The following LYRM4 variants were observed in gnomAD, a reference collection of about 807,000 sequenced individuals.
LYRM4 encodes LYR motif containing 4.
A neutral mutation model predicts 11.7 loss-of-function variants in LYRM4; 9 were observed. The observed-to-expected ratio is 0.77, with a 90% CI of 0.46 to 1.34. The LOEUF (loss-of-function observed/expected upper bound fraction) is 1.34. Ranked by LOEUF, LYRM4 falls within the 40% of genes most tolerant of loss-of-function variation. The pLI is 0.00. For missense variants in LYRM4, 133 were observed against 112.5 expected (o/e 1.18, Z -0.82); for synonymous variants, 42 against 40.4 (o/e 1.04, Z -0.15).
chr6:5,244,646 G>T (rs1764059063), intron 1 of LYRM4, among the ~76,000 whole-genome samples: 1 of 152,144 alleles, frequency 6.6e-6, no homozygotes, highest in South Asian at 2.1e-4. Context: ...GACCTAGCTT[G>T]GGATAGAGGG....
At chr6:5,256,423 G>T (rs1232130665) in intron 1 of LYRM4, among the ~76,000 whole-genome samples, 1 of 142,100 alleles carries the variant, frequency 7.0e-6, no homozygotes, top group South Asian at 2.2e-4. Flanking sequence ...CTGGGAGGTG[G>T]AGGTTGCAGT....
At chr6:5,118,005 C>G (rs1763202765) in intron 2 of LYRM4, among the ~76,000 whole-genome samples, 1 of 151,402 alleles carries the variant, frequency 6.6e-6, no homozygotes, top group Non-Finnish European at 1.5e-5. Context: ...TTTTAAGACA[C>G]TGCACTTTCC....
At chr6:5,042,080 G>T in the LYRM4 span, among the ~76,000 whole-genome samples, 1 of 152,186 alleles carries the variant, frequency 6.6e-6, no homozygotes, top group Non-Finnish European at 1.5e-5. Context: ...CTACTCTGGA[G>T]GGAGGGGAGG....
intron 2 of LYRM4, among the ~76,000 whole-genome samples, chr6:5,119,025 A>G (rs536438004): frequency 1.4e-3 from 208 of 152,378 alleles, no homozygotes; most frequent in African/African-American, 4.8e-3. Context: ...GAAGTGTGGT[A>G]GCTGAGAAAG....
chr6:5,152,870 A>G (rs1256750053), intron 2 of LYRM4, among the ~76,000 whole-genome samples: 2 of 152,208 alleles, frequency 1.3e-5, no homozygotes, highest in Non-Finnish European at 1.5e-5. Flanking sequence ...GTGCTGACAA[A>G]CTTGCTGCCA....
chr6:5,199,476 A>G (rs1761260642), intron 2 of LYRM4, among the ~76,000 whole-genome samples: 1 of 152,190 alleles, frequency 6.6e-6, no homozygotes, highest in Non-Finnish European at 1.5e-5. Flanking sequence ...TGAATATACT[A>G]AAAACCACTG....
At chr6:5,048,151 T>C in the LYRM4 span, among the ~76,000 whole-genome samples, 1 of 152,348 alleles carries the variant, frequency 6.6e-6, no homozygotes, top group South Asian at 2.1e-4. Context: ...GTATTGAATA[T>C]AGATGATAGA....
intron 2 of LYRM4, among the ~76,000 whole-genome samples, chr6:5,169,787 C>T (rs746809118): frequency 2.6e-5 from 4 of 152,160 alleles, no homozygotes; most frequent in Admixed American, 6.5e-5. Context: ...CCACAGATCA[C>T]CTTGCATTCT....
At chr6:5,071,074 G>A in the LYRM4 span, among the ~76,000 whole-genome samples, 1 of 151,444 alleles carries the variant, frequency 6.6e-6, no homozygotes, top group South Asian at 2.1e-4. Flanking sequence ...TATAACCCCA[G>A]CTAACTCGGG....
intron 1 of LYRM4, among the ~76,000 whole-genome samples, chr6:5,245,320 G>A (rs978148454): frequency 1.3e-5 from 2 of 150,916 alleles, no homozygotes; most frequent in Admixed American, 6.6e-5. Flanking sequence ...TGGCCGCCCC[G>A]GTAGTTCACC....
intron 2 of LYRM4, among the ~76,000 whole-genome samples, chr6:5,157,027 C>T (rs1758453356): frequency 6.6e-6 from 1 of 152,144 alleles, no homozygotes; most frequent in Admixed American, 6.5e-5. Flanking sequence ...CAATGCTAAG[C>T]CCACTTTCCA....
chr6:5,114,149 C>G (rs971781058), intron 2 of LYRM4, among the ~76,000 whole-genome samples: 6 of 152,200 alleles, frequency 3.9e-5, no homozygotes, highest in Non-Finnish European at 7.3e-5. Context: ...TGCCCGCCCT[C>G]CAGTTTGTCT....
At chr6:5,094,004 G>T in the LYRM4 span, among the ~76,000 whole-genome samples, 2 of 152,204 alleles carry the variant, frequency 1.3e-5, no homozygotes, top group African/African-American at 4.8e-5. Context: ...TGGTTCTTGG[G>T]ACTTGGGCCA....
intron 2 of LYRM4, among the ~76,000 whole-genome samples, chr6:5,196,219 T>C (rs1453708987): frequency 1.3e-5 from 2 of 152,162 alleles, no homozygotes; most frequent in East Asian, 3.9e-4. Flanking sequence ...CTGGCGCAGA[T>C]ATCATGTCTA....
intron 2 of LYRM4, among the ~76,000 whole-genome samples, chr6:5,191,519 C>G (rs1216361157): frequency 6.6e-6 from 1 of 152,092 alleles, no homozygotes; most frequent in Non-Finnish European, 1.5e-5. Flanking sequence ...GTTTGTGAAA[C>G]TAGGAATGAG....
At chr6:5,183,342 A>G (rs1760190310) in intron 2 of LYRM4, among the ~76,000 whole-genome samples, 1 of 152,240 alleles carries the variant, frequency 6.6e-6, no homozygotes, top group Non-Finnish European at 1.5e-5. Context: ...ACTTAAATGT[A>G]GAATTCTGCA....
chr6:5,259,305 T>C lies in LYRM4; in HGVS notation c.86+1343A>G, dbSNP rs146048163. On this transcript the variant is annotated intron_variant, in intron 1 of 2. Transcript: ENST00000330636. ...CATGTGTTTCCTCAACAGACTTGGT[T>C]AAGTACTTGGTGCTAGGTGTTTGGT... Among the ~76,000 whole-genome samples the C allele has an allele frequency of 3.3e-5, 5 of 152,348 alleles. No homozygotes were observed. In the East Asian group the frequency reaches 9.6e-4, roughly 29 times the overall value.
intron 2 of LYRM4, among the ~76,000 whole-genome samples, chr6:5,142,118 T>A (rs200860): frequency 0.94 from 142,569 of 152,204 alleles, 66,898 homozygotes; most frequent in African/African-American, 0.99. Flanking sequence ...CTCTACTGAG[T>A]GAAGGGGTTT....
chr6:5,197,920 C>T (rs1009504825), intron 2 of LYRM4, among the ~76,000 whole-genome samples: 2 of 152,026 alleles, frequency 1.3e-5, no homozygotes, highest in Admixed American at 6.6e-5. Context: ...GCCTGTAATC[C>T]AGCACTTTGG....
Sources: allele counts gnomAD v4.1 joint callset (sites outside exome capture counted in the v4.1 genomes callset), GRCh38; gene constraint gnomAD v4.1.1; transcripts MANE v1.5; gene names NCBI Gene and HGNC (gene_info 2026-07-23, HGNC 2026-07-21).